LRCH1: variants seen among roughly 807,000 people sequenced by gnomAD.
LRCH1 encodes leucine rich repeats and calponin homology domain containing 1.
Under a neutral mutation model 94.9 loss-of-function variants are expected in LRCH1, and 23 were observed. The ratio of observed to expected loss-of-function variants is 0.24; its 90% CI spans 0.17 to 0.34. The LOEUF (loss-of-function observed/expected upper bound fraction) is 0.34, where lower values mean the gene tolerates loss of function less well. LRCH1 is among the 10% of genes least tolerant of loss of function. The pLI, the probability that LRCH1 is intolerant of heterozygous loss-of-function variation, is 1.00. For synonymous variants in LRCH1, 364 were observed against 354.9 expected (o/e 1.03, Z -0.29); for missense variants, 790 against 945.9 (o/e 0.84, Z 2.16).
rs372564008 is a variant in LRCH1, at chr13:46,635,288, C to G, written c.308-14913C>G. On this transcript the variant is annotated intron_variant, in intron 1 of 19. Coordinates refer to ENST00000389797, the MANE Select transcript of LRCH1 (RefSeq NM_001164211.2). ...CTGCACTTAAACCTTTAGCATATCT[C>G]CATCCCTGCCTCTCAGCTAACGGGG... is the stretch of plus-strand genomic sequence containing the variant. Among the ~76,000 whole-genome samples the G allele has an allele frequency of 3.1e-3, 470 of 152,280 alleles. 3 individuals are homozygous for G. Among genetic ancestry groups the G allele is most frequent in the South Asian group, 0.019 (93 of 4,822 alleles).
At chr13:46,578,462 C>T (rs1173135728) in intron 1 of LRCH1, among the ~76,000 whole-genome samples, 1 of 152,172 alleles carries the variant, frequency 6.6e-6, no homozygotes. Context: ...AATATGAAGG[C>T]TGGAGCCTGG....
Position 46,741,878 on chromosome 13 carries a change from C to G in LRCH1, c.*30C>G. ...TGCACGTGCATCCAAACGCTGTGCT[C>G]TGTCGCCCTCAACCTTTGCAGGGTC... is the stretch of plus-strand genomic sequence containing the variant. On this transcript the variant is annotated 3_prime_UTR_variant, in exon 20 of 20. Coordinates refer to ENST00000389797, the MANE Select transcript of LRCH1 (RefSeq NM_001164211.2). 6.2e-7 allele frequency: 1 copy of G among 1,612,524 alleles called. No individual in the cohort carries two copies. Among genetic ancestry groups the G allele is most frequent in the South Asian group, 1.1e-5 (1 of 91,008 alleles).
intron 1 of LRCH1, among the ~76,000 whole-genome samples, chr13:46,583,401 A>G (rs1311589213): frequency 6.6e-6 from 1 of 152,230 alleles, no homozygotes; most frequent in Non-Finnish European, 1.5e-5. Context: ...TATTTCCTGC[A>G]CTAGAGGTCT....
At chr13:46,665,939 T>C (rs568504399) in intron 2 of LRCH1, among the ~76,000 whole-genome samples, 6 of 152,332 alleles carry the variant, frequency 3.9e-5, no homozygotes, top group African/African-American at 1.4e-4. Context: ...TCCTCTCCTG[T>C]CTAAATATTT....
chr13:46,622,530 G>T (rs716223), intron 1 of LRCH1, among the ~76,000 whole-genome samples: 8,651 of 152,252 alleles, frequency 0.057, 370 homozygotes, highest in East Asian at 0.18. Context: ...TCCAGTGTCA[G>T]TAGAGCTTCC....
At chr13:46,630,481 A>ATG (rs1419069488) in intron 1 of LRCH1, among the ~76,000 whole-genome samples, 3 of 152,224 alleles carry the variant, frequency 2.0e-5, no homozygotes, top group Non-Finnish European at 4.4e-5. Flanking sequence ...GAATCTAAAG[A>ATG]TGTATGTCTT....
At chr13:46,657,503 T>C (rs1190867227) in intron 2 of LRCH1, among the ~76,000 whole-genome samples, 7 of 20,708 alleles carry the variant, frequency 3.4e-4, no homozygotes, top group African/African-American at 1.8e-3. Flanking sequence ...TTCTTTTCTT[T>C]TTTTTTTTTT....
intron 17 of LRCH1, among the ~76,000 whole-genome samples, chr13:46,726,289 A>C (rs895148182): frequency 1.2e-4 from 18 of 152,224 alleles, no homozygotes; most frequent in African/African-American, 3.6e-4. Flanking sequence ...AAAGAGAAGA[A>C]GACGGACTGA....
At chr13:46,655,331 CACTT>C (rs1448281057) in intron 2 of LRCH1, among the ~76,000 whole-genome samples, 3 of 152,152 alleles carry the variant, frequency 2.0e-5, no homozygotes, top group Admixed American at 6.5e-5. Context: ...CAGTTAAAAA[CACTT>C]ACATATTTTT....
intron 5 of LRCH1, 78 bp from the exon 6 acceptor site, chr13:46,687,774 A>G: frequency 8.1e-7 from 1 of 1,237,748 alleles, no homozygotes. Context: ...AAATTGAAAT[A>G]TACAGAGTAA....
intron 1 of LRCH1, among the ~76,000 whole-genome samples, chr13:46,592,345 G>T (rs552273282): frequency 6.6e-6 from 1 of 152,210 alleles, no homozygotes; most frequent in Admixed American, 6.5e-5. Flanking sequence ...TAGTGCCCCA[G>T]TGAAATATGC....
intron 19 of LRCH1, among the ~76,000 whole-genome samples, chr13:46,740,891 T>A (rs190894596): frequency 1.1e-3 from 165 of 152,234 alleles, no homozygotes; most frequent in Non-Finnish European, 1.7e-3. Flanking sequence ...GTTGAGTAGA[T>A]AAAACACAGA....
At chr13:46,674,002 G>A (rs926131214) in intron 3 of LRCH1, among the ~76,000 whole-genome samples, 2 of 152,088 alleles carry the variant, frequency 1.3e-5, no homozygotes, top group African/African-American at 2.4e-5. Flanking sequence ...GGCTGCTGTC[G>A]AACTCCTGAC....
chr13:46,653,860 T>C (rs937826161), intron 2 of LRCH1, among the ~76,000 whole-genome samples: 1 of 152,010 alleles, frequency 6.6e-6, no homozygotes, highest in African/African-American at 2.4e-5. Context: ...AATAAAAATA[T>C]TAATGAGAGT....
At chr13:46,592,038 C>T (rs1049414513) in intron 1 of LRCH1, among the ~76,000 whole-genome samples, 2 of 152,208 alleles carry the variant, frequency 1.3e-5, no homozygotes, top group Non-Finnish European at 2.9e-5. Context: ...ATAGGCAGAA[C>T]TTCTCATCCA....
intron 18 of LRCH1, among the ~76,000 whole-genome samples, chr13:46,730,233 T>C (rs1380305915): frequency 6.6e-6 from 1 of 152,204 alleles, no homozygotes; most frequent in Non-Finnish European, 1.5e-5. Flanking sequence ...TGGGCAATCC[T>C]CTCTTGAACT....
chr13:46,701,551 A>G (rs1043073576), intron 11 of LRCH1, among the ~76,000 whole-genome samples: 3 of 152,254 alleles, frequency 2.0e-5, no homozygotes, highest in Non-Finnish European at 4.4e-5. Flanking sequence ...ATTTATAAAA[A>G]ATATAAAGAA....
chr13:46,629,189 T>C (rs1195190280), intron 1 of LRCH1, among the ~76,000 whole-genome samples: 1 of 152,088 alleles, frequency 6.6e-6, no homozygotes, highest in Non-Finnish European at 1.5e-5. Context: ...GTGAACAGAG[T>C]AGTAAACTGA....
chr13:46,613,174 G>A (rs771541355), intron 1 of LRCH1, among the ~76,000 whole-genome samples: 5 of 151,964 alleles, frequency 3.3e-5, no homozygotes, highest in Non-Finnish European at 5.9e-5. Context: ...GGAGGATCAC[G>A]AGGTCAGGAG....
Sources: allele counts gnomAD v4.1 joint callset (sites outside exome capture counted in the v4.1 genomes callset), GRCh38; gene constraint gnomAD v4.1.1; transcripts MANE v1.5; gene names NCBI Gene and HGNC (gene_info 2026-07-23, HGNC 2026-07-21).